The following NSF variants were observed in gnomAD, a reference collection of about 807,000 sequenced individuals.
The protein encoded by NSF is vesicle-fusing ATPase.
In NSF, 14 loss-of-function variants were observed where a neutral mutation model predicts 50.3. The observed-to-expected ratio is 0.28, with a 90% CI of 0.18 to 0.44. The LOEUF (loss-of-function observed/expected upper bound fraction) is 0.44. Ranked by LOEUF, NSF falls within the 20% of genes least tolerant of loss-of-function variation. The pLI is 1.00. For synonymous variants in NSF, 109 were observed against 175.7 expected, an observed-to-expected ratio of 0.62 and a Z score of 3.00; for missense variants, 218 against 504.3, an observed-to-expected ratio of 0.43 and a Z score of 5.44.
intron 2 of NSF, among the ~76,000 whole-genome samples, chr17:46,625,879 TAAAAAAAAAA>T (rs147622864): frequency 1.7e-5 from 1 of 59,036 alleles, no homozygotes. Flanking sequence ...CCACATGTAT[TAAAAAAAAAA>T]AAAAAAAAAA....
At chr17:46,746,053 C>T (rs1376284301) in intron 17 of NSF, among the ~76,000 whole-genome samples, 1 of 152,182 alleles carries the variant, frequency 6.6e-6, no homozygotes, top group Non-Finnish European at 1.5e-5. Context: ...CTTCCCTCTA[C>T]CTGACATCCT....
intron 9 of NSF, among the ~76,000 whole-genome samples, chr17:46,687,206 C>G (rs946883465): frequency 1.3e-5 from 1 of 74,396 alleles, no homozygotes; most frequent in Admixed American, 1.5e-4. Context: ...ATTCCTCCAG[C>G]TTAATTATAT....
intron 17 of NSF, among the ~76,000 whole-genome samples, chr17:46,730,560 T>TACAAAA (rs761259058): frequency 6.6e-6 from 1 of 152,188 alleles, no homozygotes; most frequent in Non-Finnish European, 1.5e-5. Flanking sequence ...TTGTAAAACT[T>TACAAAA]ATTGTAAGAT....
At chr17:46,712,741 C>T (rs1598705157) in intron 14 of NSF, among the ~76,000 whole-genome samples, 1 of 152,052 alleles carries the variant, frequency 6.6e-6, no homozygotes, top group Non-Finnish European at 1.5e-5. Flanking sequence ...TAGAACTTGT[C>T]TCTGAAGCAT....
intron 16 of NSF, 22 bp from the exon 17 acceptor site, chr17:46,728,833 C>T: frequency 6.6e-7 from 1 of 1,512,888 alleles, no homozygotes; most frequent in East Asian, 2.3e-5. Context: ...AATCCCTAAA[C>T]ATAATAATGT....
chr17:46,745,805 A>T (rs971381059), intron 17 of NSF, among the ~76,000 whole-genome samples: 1 of 152,244 alleles, frequency 6.6e-6, no homozygotes, highest in African/African-American at 2.4e-5. Context: ...ATTTAGTGTT[A>T]AAAAATACTT....
chr17:46,730,122 A>G (rs1282093379), intron 17 of NSF, among the ~76,000 whole-genome samples: 1 of 152,122 alleles, frequency 6.6e-6, no homozygotes, highest in African/African-American at 2.4e-5. Flanking sequence ...TACATATATC[A>G]TGATTCCTCC....
intron 17 of NSF, among the ~76,000 whole-genome samples, chr17:46,737,209 G>T (rs1158124519): frequency 6.6e-6 from 1 of 152,152 alleles, no homozygotes; most frequent in Non-Finnish European, 1.5e-5. Context: ...GCACAAGGTG[G>T]GCACAGGTCA....
chr17:46,721,751 A>G (rs553318654), intron 15 of NSF: 40 of 1,604,442 alleles, frequency 2.5e-5, no homozygotes, highest in Middle Eastern at 4.1e-4. Context: ...CTTGCCCACA[A>G]TTTCGCTTGG....
chr17:46,733,763 A>G (rs539075629), intron 17 of NSF, among the ~76,000 whole-genome samples: 1 of 152,202 alleles, frequency 6.6e-6, no homozygotes, highest in South Asian at 2.1e-4. Context: ...TGGAAACTTT[A>G]AACTTTTACA....
At chr17:46,661,410 T>TA (rs1568023993) in intron 8 of NSF, among the ~76,000 whole-genome samples, 2 of 102,178 alleles carry the variant, frequency 2.0e-5, no homozygotes, top group African/African-American at 7.8e-5. Flanking sequence ...TTATTATTAT[T>TA]TTTGAGATGG....
At chr17:46,722,198 G>T in intron 15 of NSF, 1 of 1,584,004 alleles carries the variant, frequency 6.3e-7, no homozygotes, top group South Asian at 1.1e-5. Context: ...TGCAGCGCCT[G>T]CTTAGGAAGA....
chr17:46,657,961 AT>A (rs1390626396), intron 8 of NSF, among the ~76,000 whole-genome samples: 1 of 57,330 alleles, frequency 1.7e-5, no homozygotes, highest in Non-Finnish European at 2.7e-5. Context: ...TTTTTATTTT[AT>A]TTTATTTATT....
chr17:46,738,582 A>G (rs1272833306), intron 17 of NSF, among the ~76,000 whole-genome samples: 1 of 152,190 alleles, frequency 6.6e-6, no homozygotes, highest in African/African-American at 2.4e-5. Flanking sequence ...AATATACAGG[A>G]TTCCGTCCTG....
intron 17 of NSF, among the ~76,000 whole-genome samples, chr17:46,730,399 C>T (rs2058937664): frequency 6.6e-6 from 1 of 152,090 alleles, no homozygotes; most frequent in Non-Finnish European, 1.5e-5. Context: ...TTGTTCTTTA[C>T]ATTGTTAAAT....
In NSF at chr17:46,728,901, T is replaced by G; in HGVS notation, c.1875T>G (p.Ala625=). ...GPRFSNLVLQ[A]LLVLLKKAPP... ...GATTTTCAAATCTTGTATTACAGGC[T>G]CTTCTCGTTTTACTGAAAAAGGCAC... Residue 625 remains alanine, a synonymous_variant, in exon 17 of 21, where the codon GCT becomes GCG. Coordinates refer to ENST00000398238, the MANE Select transcript of NSF (RefSeq NM_006178.4). 1.2e-6 allele frequency: 2 copies of G among 1,608,494 alleles called. No homozygotes were observed. The highest frequency in any genetic ancestry group is 2.2e-5 in the South Asian group (2 of 89,750).
chr17:46,661,378 TTTATTATTATTATTATTA>T (rs892367324), intron 8 of NSF, among the ~76,000 whole-genome samples: 2 of 106,564 alleles, frequency 1.9e-5, no homozygotes, highest in African/African-American at 4.4e-5. Context: ...TACATTTCTT[TTTATTATTATTATTATTA>T]TTATTATTAT....
intron 12 of NSF, among the ~76,000 whole-genome samples, chr17:46,703,680 C>CAAAAAAAAAAAAAAAAA (rs149212597): frequency 2.7e-5 from 1 of 37,708 alleles, no homozygotes; most frequent in African/African-American, 1.1e-4. Context: ...GACTCCGTCT[C>CAAAAAAAAAAAAAAAAA]AAAAAAAAAA....
intron 12 of NSF, among the ~76,000 whole-genome samples, chr17:46,704,102 T>TG (rs1221792532): frequency 8.4e-6 from 1 of 119,548 alleles, no homozygotes; most frequent in African/African-American, 3.2e-5. Context: ...CCTCTGTCAA[T>TG]GGTCATATGG....
Sources: allele counts gnomAD v4.1 joint callset (sites outside exome capture counted in the v4.1 genomes callset), GRCh38; gene constraint gnomAD v4.1.1; transcripts MANE v1.5; gene names NCBI Gene and HGNC (gene_info 2026-07-23, HGNC 2026-07-21).